The following LTBP1 variants were observed in gnomAD, a reference collection of about 807,000 sequenced individuals.
The protein encoded by LTBP1 is latent transforming growth factor beta binding protein 1.
LTBP1 carries 129 observed loss-of-function variants against 207.6 expected under a neutral mutation model. That is an observed-to-expected ratio of 0.62 (90% CI 0.54 to 0.72). The LOEUF is 0.72. LTBP1 is among the 30% of genes least tolerant of loss of function. The pLI, the probability that LTBP1 is intolerant of heterozygous loss-of-function variation, is 0.00. For missense variants in LTBP1, 2,281 were observed against 2,217.2 expected, an observed-to-expected ratio of 1.03 and a Z score of -0.58; for synonymous variants, 963 against 833.7, an observed-to-expected ratio of 1.16 and a Z score of -2.67.
At chr2:33,265,520 A>G (rs958130338) in intron 15 of LTBP1, among the ~76,000 whole-genome samples, 9 of 152,214 alleles carry the variant, frequency 5.9e-5, no homozygotes, top group African/African-American at 1.9e-4. Flanking sequence ...GCCACCAAAT[A>G]TAGTATTTTT....
At chr2:33,289,263 C>T (rs919102543) in intron 19 of LTBP1, among the ~76,000 whole-genome samples, 8 of 152,276 alleles carry the variant, frequency 5.3e-5, no homozygotes, top group Admixed American at 2.6e-4. Flanking sequence ...AGTTTCTTAC[C>T]CTGGGAGGTT....
chr2:33,365,221 A>G, intron 30 of LTBP1, 112 bp from the exon 31 acceptor site: 1 of 873,188 alleles, frequency 1.1e-6, no homozygotes, highest in Non-Finnish European at 1.8e-6. Context: ...TTTTACTTGG[A>G]AGTCACTCTT....
intron 33 of LTBP1, 52 bp from the exon 34 acceptor site, chr2:33,398,312 C>T (rs560327110): frequency 9.0e-6 from 14 of 1,554,364 alleles, no homozygotes; most frequent in Non-Finnish European, 3.5e-6. Flanking sequence ...GTTATGTGTC[C>T]TCACAGAATA....
At chr2:32,979,579 A>C (rs1357534969) in intron 2 of LTBP1, among the ~76,000 whole-genome samples, 13 of 152,084 alleles carry the variant, frequency 8.5e-5, no homozygotes, top group Non-Finnish European at 1.9e-4. Context: ...CAGTTTTAAG[A>C]GTTGTTTTGT....
chr2:33,058,111 C>A (rs13006890), intron 3 of LTBP1, among the ~76,000 whole-genome samples: 20,526 of 152,226 alleles, frequency 0.13, 1,548 homozygotes, highest in South Asian at 0.21. Context: ...CTTCTCAATT[C>A]ATTGCGGGCC....
At chr2:33,354,162 C>T (rs911484900) in intron 26 of LTBP1, among the ~76,000 whole-genome samples, 8 of 152,086 alleles carry the variant, frequency 5.3e-5, no homozygotes, top group Admixed American at 1.3e-4. Context: ...CGCGCTCGGC[C>T]GTGCATGTAC....
chr2:33,038,965 C>T (rs72791780), intron 3 of LTBP1, among the ~76,000 whole-genome samples: 14,789 of 152,276 alleles, frequency 0.097, 961 homozygotes, highest in Non-Finnish European at 0.14. Flanking sequence ...GGGACATCTG[C>T]GCTCAGGGCT....
intron 7 of LTBP1, among the ~76,000 whole-genome samples, chr2:33,200,845 A>C (rs904541395): frequency 6.6e-6 from 1 of 152,234 alleles, no homozygotes; most frequent in Non-Finnish European, 1.5e-5. Flanking sequence ...TCAAAAGAAG[A>C]CATTTATGGA....
chr2:33,375,418 G>A (rs897390126), intron 31 of LTBP1, among the ~76,000 whole-genome samples: 1 of 152,222 alleles, frequency 6.6e-6, no homozygotes, highest in Admixed American at 6.5e-5. Context: ...ATACCCCTGT[G>A]TACTTGCAGA....
Position 33,259,867 on chromosome 2 carries a change from G to A in LTBP1, c.2418+257G>A, listed in dbSNP as rs145313632. On this transcript the variant is annotated intron_variant, in intron 13 of 33. Coordinates refer to ENST00000404816, the MANE Select transcript of LTBP1 (RefSeq NM_206943.4). Reference sequence around the variant, plus strand: ...CTACTTTCATGAAGCTTCAATTCTCGTGAGAAGAAAATGGGAAACTAATGG... The same window carrying A: ...CTACTTTCATGAAGCTTCAATTCTCATGAGAAGAAAATGGGAAACTAATGG... 3.3e-3 allele frequency among the ~76,000 whole-genome samples: 496 copies of A among 152,212 alleles called. 7 individuals are homozygous for A. Among genetic ancestry groups the A allele is most frequent in the African/African-American group, 0.011 (450 of 41,534 alleles).
intron 24 of LTBP1, among the ~76,000 whole-genome samples, chr2:33,340,175 G>A (rs1052292965): frequency 6.7e-6 from 1 of 150,144 alleles, no homozygotes; most frequent in Non-Finnish European, 1.5e-5. Flanking sequence ...GGAGAATGAC[G>A]TGAACCCAAT....
At chr2:33,349,405 A>G (rs2094749076) in intron 26 of LTBP1, among the ~76,000 whole-genome samples, 1 of 151,886 alleles carries the variant, frequency 6.6e-6, no homozygotes, top group South Asian at 2.1e-4. Context: ...ACACCACTGC[A>G]CTCCAGCCTG....
At chr2:33,247,643 C>T (rs1211464593) in intron 10 of LTBP1, among the ~76,000 whole-genome samples, 4 of 152,342 alleles carry the variant, frequency 2.6e-5, no homozygotes, top group African/African-American at 7.2e-5. Context: ...TTTGCTGACG[C>T]TCAAGCTAAT....
chr2:33,005,453 G>T (rs1165090948), intron 2 of LTBP1, among the ~76,000 whole-genome samples: 7 of 152,134 alleles, frequency 4.6e-5, no homozygotes, highest in African/African-American at 1.4e-4. Context: ...ATGATGGCTA[G>T]GTCCCAAGAA....
chr2:33,201,624 A>G (rs1017054750), intron 7 of LTBP1, among the ~76,000 whole-genome samples: 1 of 147,448 alleles, frequency 6.8e-6, no homozygotes, highest in African/African-American at 2.5e-5. Flanking sequence ...AACTTAAAGT[A>G]TAATGATAAT....
chr2:33,266,181 G>A (rs1202574098), intron 15 of LTBP1, among the ~76,000 whole-genome samples: 1 of 152,240 alleles, frequency 6.6e-6, no homozygotes, highest in Non-Finnish European at 1.5e-5. Context: ...TTGTGGCCAA[G>A]CCCAAGTGCT....
At chr2:33,389,106 G>C in intron 31 of LTBP1, 78 bp from the exon 32 acceptor site, 2 of 1,594,402 alleles carry the variant, frequency 1.3e-6, no homozygotes, top group Non-Finnish European at 8.6e-7. Flanking sequence ...GCAGATTCCC[G>C]TTGCTCTGAG....
rs551320936 is a variant in LTBP1 at position 32,947,762 on chromosome 2, G to A, written c.438G>A (p.Glu146=). 104 of 1,520,954 alleles carry A rather than the reference G, an allele frequency of 6.8e-5. No homozygotes were observed. In the South Asian group the frequency reaches 1.2e-3, roughly 18 times the overall value. The allele number at this position is 1,520,954 out of a possible 1,614,324, so 94.2% of individuals were successfully genotyped here. A position where few individuals can be genotyped will look rare whatever the true frequency, so the allele number is the denominator to read the frequency against. ...RQVVRSKVPQ[E]TQSGGGSRLQ... Reference sequence around the variant, plus strand: ...TTGTGCGCTCCAAGGTGCCGCAGGAGACCCAGAGCGGCGGAGGCTCTAGGC... The same window carrying A: ...TTGTGCGCTCCAAGGTGCCGCAGGAAACCCAGAGCGGCGGAGGCTCTAGGC... The change falls in exon 1 of 34, where the codon GAG becomes GAA. Residue 146 remains glutamate, a synonymous_variant. Coordinates refer to ENST00000404816, the MANE Select transcript of LTBP1 (RefSeq NM_206943.4).
chr2:33,140,824 T>C (rs1182212082), intron 5 of LTBP1, among the ~76,000 whole-genome samples: 2 of 151,984 alleles, frequency 1.3e-5, no homozygotes, highest in African/African-American at 4.8e-5. Flanking sequence ...CCTGCCACCA[T>C]GCCCGGCTAA....
Sources: allele counts gnomAD v4.1 joint callset (sites outside exome capture counted in the v4.1 genomes callset), GRCh38; gene constraint gnomAD v4.1.1; transcripts MANE v1.5; gene names NCBI Gene and HGNC (gene_info 2026-07-23, HGNC 2026-07-21).